The following SCMH1 variants were observed in gnomAD, a reference collection of about 807,000 sequenced individuals.
SCMH1 encodes Scm polycomb group protein homolog 1.
SCMH1 carries 37 observed loss-of-function variants against 70.8 expected under a neutral mutation model. The ratio of observed to expected loss-of-function variants is 0.52; its 90% confidence interval spans 0.40 to 0.69. The LOEUF (loss-of-function observed/expected upper bound fraction) is 0.69. Ranked by LOEUF, SCMH1 falls within the 30% of genes least tolerant of loss-of-function variation. The pLI is 0.00. For synonymous variants in SCMH1, 292 were observed against 307.4 expected (o/e 0.95, Z 0.52); for missense variants, 607 against 827.3 (o/e 0.73, Z 3.27).
At chr1:41,163,836 T>C (rs1161793408) in intron 2 of SCMH1, among the ~76,000 whole-genome samples, 1 of 152,160 alleles carries the variant, frequency 6.6e-6, no homozygotes, top group Non-Finnish European at 1.5e-5. Context: ...GAAAAAAACA[T>C]ATAAGTAAAC....
chr1:41,126,031 T>C (rs1229891828), intron 6 of SCMH1, among the ~76,000 whole-genome samples: 3 of 152,192 alleles, frequency 2.0e-5, no homozygotes, highest in Non-Finnish European at 2.9e-5. Context: ...TACATATAAA[T>C]ATATTTTAAA....
chr1:41,059,552 C>A (rs1651816179), intron 10 of SCMH1, among the ~76,000 whole-genome samples: 1 of 152,184 alleles, frequency 6.6e-6, no homozygotes, highest in Non-Finnish European at 1.5e-5. Context: ...CTCCACCACT[C>A]AATAAAACCC....
At chr1:41,071,518 A>G (rs1477743313) in intron 9 of SCMH1, among the ~76,000 whole-genome samples, 1 of 152,214 alleles carries the variant, frequency 6.6e-6, no homozygotes, top group Admixed American at 6.5e-5. Flanking sequence ...ATAAGTGTAA[A>G]TAAATTTTTT....
rs115445063 is a variant in SCMH1 at position 41,065,725 on chromosome 1, T to C, written c.1105+4870A>G. On this transcript the variant is annotated intron_variant, in intron 10 of 14. Transcript: ENST00000337495. ...CAATACAATAAAAAATAGAGAGTCT[T>C]TTCAACAAATGGTTCTCAAACAACT... Among the ~76,000 whole-genome samples the C allele has an allele frequency of 2.7e-3, 404 of 152,184 alleles. 1 individual carries two copies. Among genetic ancestry groups the C allele is most frequent in the African/African-American group, 9.4e-3 (391 of 41,520 alleles).
chr1:41,061,561 G>A (rs1652651994), intron 10 of SCMH1, among the ~76,000 whole-genome samples: 1 of 152,178 alleles, frequency 6.6e-6, no homozygotes, highest in Non-Finnish European at 1.5e-5. Context: ...CCTAACAACA[G>A]AGTGTCAGAT....
intron 1 of SCMH1, among the ~76,000 whole-genome samples, chr1:41,221,893 C>CAAAAAAAAAAA: frequency 2.2e-5 from 1 of 45,020 alleles, no homozygotes; most frequent in Non-Finnish European, 3.5e-5. Context: ...GACTCCGTCT[C>CAAAAAAAAAAA]AAAAAAAAAA....
intron 8 of SCMH1, among the ~76,000 whole-genome samples, chr1:41,110,376 T>C (rs1275104679): frequency 6.6e-6 from 1 of 152,158 alleles, no homozygotes; most frequent in Non-Finnish European, 1.5e-5. Flanking sequence ...ATATTCAGAG[T>C]TGTGCAAACA....
chr1:41,037,328 G>T, intron 13 of SCMH1, 34 bp downstream of exon 13: 1 of 1,599,580 alleles, frequency 6.3e-7, no homozygotes, highest in Non-Finnish European at 8.5e-7. Flanking sequence ...AAGAGTGAGG[G>T]AGGGAAGGAG....
chr1:41,075,409 G>C, exon 9 of SCMH1: 1 of 1,614,074 alleles, frequency 6.2e-7, no homozygotes, highest in Non-Finnish European at 8.5e-7. Flanking sequence ...GGGCTTCTCA[G>C]TATTCACATC....
chr1:41,160,044 G>C (rs1645886016), intron 4 of SCMH1: 1 of 261,172 alleles, frequency 3.8e-6, no homozygotes, highest in Admixed American at 5.4e-5. Flanking sequence ...AAGCCTAGGA[G>C]TTCTGACTCC....
At chr1:41,075,485 TC>T in intron 8 of SCMH1, 34 bp from the exon 9 acceptor site, 1 of 1,542,936 alleles carries the variant, frequency 6.5e-7, no homozygotes. Context: ...TCACCCTCCC[TC>T]CCCCCTGCAT....
At chr1:41,035,634 T>C (rs1645190259) in intron 13 of SCMH1, among the ~76,000 whole-genome samples, 1 of 152,198 alleles carries the variant, frequency 6.6e-6, no homozygotes, top group South Asian at 2.1e-4. Flanking sequence ...TGCCTCTGCC[T>C]ATGCCCTTGA....
intron 6 of SCMH1, among the ~76,000 whole-genome samples, chr1:41,131,838 T>C (rs908544239): frequency 3.3e-5 from 5 of 152,220 alleles, no homozygotes; most frequent in Middle Eastern, 3.2e-3. Context: ...CTGAGAATGA[T>C]GGTTTCCAGC....
At chr1:41,142,845 T>C (rs746402731) in intron 6 of SCMH1, 33 bp downstream of exon 6, 1 of 1,559,178 alleles carries the variant, frequency 6.4e-7, no homozygotes, top group African/African-American at 1.4e-5. Flanking sequence ...CTATTAATAA[T>C]TGGCTAGAAA....
chr1:41,108,189 T>C (rs1262529485), intron 8 of SCMH1, among the ~76,000 whole-genome samples: 3 of 152,182 alleles, frequency 2.0e-5, no homozygotes, highest in African/African-American at 7.2e-5. Flanking sequence ...TGGATTAGCA[T>C]GTAGACAGCA....
At chr1:41,063,299 G>T (rs375988787) in intron 10 of SCMH1, among the ~76,000 whole-genome samples, 1 of 151,600 alleles carries the variant, frequency 6.6e-6, no homozygotes, top group African/African-American at 2.4e-5. Flanking sequence ...CAGTGAAACC[G>T]CATCTCAACT....
Position 41,037,427 on chromosome 1 carries a change from G to A in SCMH1, c.1613C>T (p.Pro538Leu), listed in dbSNP as rs780097526. 46 of 1,614,116 alleles carry A rather than the reference G, an allele frequency of 2.8e-5. No homozygotes were observed. Among genetic ancestry groups the A allele is most frequent in the African/African-American group, 4.0e-5 (3 of 74,942 alleles). Residue 538 changes from proline (P) to leucine (L), a missense_variant, in exon 13 of 15, where the codon CCC (proline) becomes CTC (leucine). Around this residue, in one of 3 missense-constraint regions of SCMH1, gnomAD observed 430 missense variants for 528.2 expected, o/e 0.81. Transcript: ENST00000337495. ...TGGGAGGCCACAGGATGAAAGCAAG[G>A]GCCGGTGCCTTTGGGAGGTGCTGAC...
chr1:41,222,742 C>G (rs1179034615), intron 1 of SCMH1, among the ~76,000 whole-genome samples: 1 of 152,132 alleles, frequency 6.6e-6, no homozygotes, highest in African/African-American at 2.4e-5. Context: ...GTAATTCAAA[C>G]ACTCAAGAAG....
At chr1:41,102,358 A>G (rs535980644) in intron 8 of SCMH1, among the ~76,000 whole-genome samples, 3 of 152,346 alleles carry the variant, frequency 2.0e-5, no homozygotes, top group South Asian at 4.1e-4. Context: ...GCTTTGCTCA[A>G]CTTGGCTGGG....
Sources: allele counts gnomAD v4.1 joint callset (sites outside exome capture counted in the v4.1 genomes callset), GRCh38; gene constraint gnomAD v4.1.1; regional missense constraint gnomAD v4.1.1; transcripts MANE v1.5; gene names NCBI Gene and HGNC (gene_info 2026-07-23, HGNC 2026-07-21).